ZNF564: variants seen among roughly 807,000 people sequenced by gnomAD.
ZNF564 encodes zinc finger protein 564.
A neutral mutation model predicts 10.5 loss-of-function variants in ZNF564; 5 were observed. That is an observed-to-expected ratio of 0.48 (90% CI 0.25 to 1.00). ZNF564 has a LOEUF of 1.00. Ranked by LOEUF, ZNF564 falls within the 50% of genes least tolerant of loss-of-function variation. ZNF564 has a pLI of 0.16. For missense variants in ZNF564, 603 were observed against 669.7 expected (o/e 0.90, Z 1.10); for synonymous variants, 242 against 218.1 (o/e 1.11, Z -0.97).
intron 1 of ZNF564, among the ~76,000 whole-genome samples, chr19:12,536,330 C>T (rs1197717629): frequency 6.6e-6 from 1 of 152,062 alleles, no homozygotes; most frequent in Non-Finnish European, 1.5e-5. Context: ...GTACATGTCA[C>T]CATGCTCAGG....
chr19:12,529,441 C>A (rs572155303), intron 1 of ZNF564, among the ~76,000 whole-genome samples: 50 of 150,880 alleles, frequency 3.3e-4, no homozygotes, highest in African/African-American at 1.1e-3. Context: ...CCGTCTCTAC[C>A]AAAAATACAA....
intron 1 of ZNF564, among the ~76,000 whole-genome samples, chr19:12,549,092 A>G (rs1354355144): frequency 6.6e-6 from 1 of 152,186 alleles, no homozygotes; most frequent in Non-Finnish European, 1.5e-5. Flanking sequence ...AACTACACAA[A>G]TAAGATTTTT....
intron 1 of ZNF564, among the ~76,000 whole-genome samples, chr19:12,533,497 C>T (rs1441613427): frequency 6.6e-6 from 1 of 152,114 alleles, no homozygotes; most frequent in South Asian, 2.1e-4. Context: ...GAGGCCAAGG[C>T]GGGCAGATTA....
At position 12,527,554 on chromosome 19, in the gene ZNF564, C is replaced by T. The variant is rs774784679; in HGVS notation, c.554G>A (p.Arg185Gln). ...TCCAGTGTGCTTAATCATGTGTCTT[C>T]GAACACTTGGGAGAGAAATGAAGGC... ...GKAFISLPSVRRHMIKHTGDG... is the reference protein window; with the variant it reads ...GKAFISLPSVQRHMIKHTGDG... The change falls in exon 4 of 4, where the codon CGA becomes CAA. Residue 185 changes from arginine (R) to glutamine (Q), a missense_variant. Physicochemically the swap from Arg to Gln is conservative, Grantham distance 43 (BLOSUM62 1). Transcript: ENST00000339282. 9.1e-5 allele frequency: 147 copies of T among 1,613,832 alleles called. No individual in the cohort carries two copies. Among genetic ancestry groups the T allele is most frequent in the Admixed American group, 1.8e-4 (11 of 59,960 alleles).
At chr19:12,549,856 C>T (rs1398621220) in intron 1 of ZNF564, among the ~76,000 whole-genome samples, 1 of 152,090 alleles carries the variant, frequency 6.6e-6, no homozygotes. Context: ...CTGGGTCAGG[C>T]CCAGGCAGTT....
In ZNF564 at chr19:12,527,783, C is replaced by T; in HGVS notation, c.325G>A (p.Gly109Arg). The T allele has an allele frequency of 6.2e-7, 1 of 1,614,038 alleles. No homozygotes were observed. The highest frequency in any genetic ancestry group is 8.5e-7 in the Non-Finnish European group (1 of 1,180,026). The change falls in exon 4 of 4, where the codon GGG (glycine) becomes AGG (arginine). Residue 109 changes from glycine (G) to arginine (R), a missense_variant. By Grantham distance (125) the Gly-to-Arg change is moderately radical (BLOSUM62 -2). Transcript: ENST00000339282. Reference sequence around the variant, plus strand: ...GATGAATGATGCATGAAGACTTTCCCACACAAACTACATTCACATGGTCTT... The same window carrying T: ...GATGAATGATGCATGAAGACTTTCCTACACAAACTACATTCACATGGTCTT... ...IVRPCECSLC[G>R]KVFMHHSSLS... is the part of the protein sequence containing the mutation.
At chr19:12,535,111 C>A (rs1245438771) in intron 1 of ZNF564, among the ~76,000 whole-genome samples, 1 of 151,922 alleles carries the variant, frequency 6.6e-6, no homozygotes, top group Non-Finnish European at 1.5e-5. Flanking sequence ...TGGTGGCTCA[C>A]ACCTGTAATC....
At chr19:12,532,529 C>T (rs565941016) in intron 1 of ZNF564, among the ~76,000 whole-genome samples, 335 of 102,364 alleles carry the variant, frequency 3.3e-3, no homozygotes, top group African/African-American at 0.014. Context: ...AGCGAGACTC[C>T]GTCTCAAAAA....
chr19:12,546,464 C>G (rs7248698), intron 1 of ZNF564, among the ~76,000 whole-genome samples: 9,224 of 152,236 alleles, frequency 0.061, 319 homozygotes, highest in African/African-American at 0.098. Context: ...TGCAGTGGCT[C>G]ACGCCTGTAA....
chr19:12,548,105 G>A (rs965471799), intron 1 of ZNF564: 20 of 959,706 alleles, frequency 2.1e-5, no homozygotes, highest in Non-Finnish European at 2.5e-5. Flanking sequence ...ACCACGCCCA[G>A]TTTCACTTAT....
rs200887214 is a variant in ZNF564, at chr19:12,527,788, A to C, written c.320T>G (p.Leu107Trp). The change falls in exon 4 of 4, where the codon TTG becomes TGG. Residue 107 changes from leucine to tryptophan, a missense_variant. Physicochemically the swap from Leu to Trp is moderately conservative, Grantham distance 61. Transcript: ENST00000339282. ...PTIVRPCECS[L>W]CGKVFMHHSS... Reference sequence around the variant, plus strand: ...ATGATGCATGAAGACTTTCCCACACAAACTACATTCACATGGTCTTACTAT... The same window carrying C: ...ATGATGCATGAAGACTTTCCCACACCAACTACATTCACATGGTCTTACTAT... The C allele has an allele frequency of 1.7e-5, 28 of 1,614,004 alleles. No homozygotes were observed. The highest frequency in any genetic ancestry group is 2.2e-5 in the Non-Finnish European group (26 of 1,180,034).
At position 12,528,928 on chromosome 19, in the gene ZNF564, G is replaced by A. The variant is rs548801363; in HGVS notation, c.4-232C>T. 7.2e-5 allele frequency among the ~76,000 whole-genome samples: 11 copies of A among 152,298 alleles called. No homozygotes were observed. In the South Asian group the frequency reaches 2.3e-3, roughly 32 times the overall value. The stretch of plus-strand genomic sequence containing the variant: ...CAGATATATGAATTAGCTGGGCGTG[G>A]TGGCGTATGCCTGTTAATCCCGGCT... On this transcript the variant is annotated intron_variant, in intron 1 of 3. Transcript: ENST00000339282.
chr19:12,534,619 G>A (rs143775639), intron 1 of ZNF564, among the ~76,000 whole-genome samples: 3,855 of 152,150 alleles, frequency 0.025, 171 homozygotes, highest in African/African-American at 0.088. Context: ...TTCAAGACCC[G>A]CCTGGCCAAC....
At chr19:12,539,980 C>CAA (rs570899452) in intron 1 of ZNF564, among the ~76,000 whole-genome samples, 3 of 85,472 alleles carry the variant, frequency 3.5e-5, no homozygotes, top group Non-Finnish European at 4.8e-5. Context: ...GACTCCGTCT[C>CAA]AAAAAAAAAA....
intron 1 of ZNF564, among the ~76,000 whole-genome samples, chr19:12,543,338 GA>G (rs1444712898): frequency 3.7e-5 from 5 of 135,402 alleles, no homozygotes; most frequent in African/African-American, 1.1e-4. Flanking sequence ...GAGGGGAGGG[GA>G]AGGGGAAGGG....
At chr19:12,544,305 G>A (rs970157965) in intron 1 of ZNF564, among the ~76,000 whole-genome samples, 1 of 152,112 alleles carries the variant, frequency 6.6e-6, no homozygotes, top group African/African-American at 2.4e-5. Flanking sequence ...CAGAAACGAC[G>A]GACAGTTAAA....
intron 1 of ZNF564, among the ~76,000 whole-genome samples, chr19:12,533,219 C>G (rs1288673119): frequency 6.6e-6 from 1 of 152,172 alleles, no homozygotes; most frequent in Admixed American, 6.6e-5. Flanking sequence ...GTTACCAACT[C>G]CCCCAAATCT....
Position 12,526,897 on chromosome 19 carries a change from C to G in ZNF564, c.1211G>C (p.Cys404Ser). ...TTCGTGTATTTGAAATGAACTGGGA[C>G]AGTCAAAGGCTCTACCACATACCTG... is the stretch of plus-strand genomic sequence containing the variant. Reference protein sequence around the residue: ...KCQVCGRAFDCPSSFQIHERT... With the variant: ...KCQVCGRAFDSPSSFQIHERT... The change falls in exon 4 of 4, where the codon TGT (cysteine) becomes TCT (serine). Residue 404 changes from cysteine to serine, a missense_variant. Cys to Ser is a moderately radical substitution (Grantham distance 112). Transcript: ENST00000339282. The G allele has an allele frequency of 6.2e-7, 1 of 1,613,720 alleles. No individual in the cohort carries two copies. Among genetic ancestry groups the G allele is most frequent in the Non-Finnish European group, 8.5e-7 (1 of 1,179,936 alleles).
intron 1 of ZNF564, among the ~76,000 whole-genome samples, chr19:12,545,525 C>A (rs1161946791): frequency 6.6e-6 from 1 of 152,126 alleles, no homozygotes; most frequent in Non-Finnish European, 1.5e-5. Context: ...AAGTTCAGGG[C>A]TCAGTCTCAC....
Sources: gnomAD v4.1 joint callset for allele counts (sites outside exome capture counted in the v4.1 genomes callset) on GRCh38, gnomAD v4.1.1 for gene constraint, MANE v1.5 for transcripts, NCBI Gene and HGNC (gene_info 2026-07-23, HGNC 2026-07-21) for gene names.